MCPH1: variants seen among roughly 807,000 people sequenced by gnomAD.
The protein encoded by MCPH1 is microcephalin 1.
Under a neutral mutation model 84.5 loss-of-function variants are expected in MCPH1, and 104 were observed. The ratio of observed to expected loss-of-function variants is 1.23; its 90% CI spans 1.05 to 1.45. The LOEUF (loss-of-function observed/expected upper bound fraction) is 1.45. Ranked by LOEUF, MCPH1 falls within the 40% of genes most tolerant of loss-of-function variation. The probability of loss-of-function intolerance (pLI) is 0.00; values close to 1 mark genes in which losing one functional copy is unlikely to be tolerated. For synonymous variants in MCPH1, 514 were observed against 366.8 expected (o/e 1.40, Z -4.58); for missense variants, 1,498 against 1,005.7 (o/e 1.49, Z -6.62).
At chr8:6,566,842 TGCGGTGACCATGTGTGATCA>T (rs1015437649) in intron 12 of MCPH1, among the ~76,000 whole-genome samples, 3 of 138,346 alleles carry the variant, frequency 2.2e-5, no homozygotes, top group Admixed American at 1.5e-4. Context: ...GTGCACACGG[TGCGGTGACCATGTGTGATCA>T]GCAAGGCCAT....
At chr8:6,586,981 G>C (rs1237349226) in intron 12 of MCPH1, among the ~76,000 whole-genome samples, 1 of 152,090 alleles carries the variant, frequency 6.6e-6, no homozygotes, top group African/African-American at 2.4e-5. Flanking sequence ...GTTGCAGGCA[G>C]CCTGCAGGCC....
At chr8:6,446,339 G>C (rs1028916170) in intron 8 of MCPH1, 25 of 984,660 alleles carry the variant, frequency 2.5e-5, no homozygotes, top group Admixed American at 6.1e-5. Context: ...GAGTGAGAAC[G>C]CATTCTCTCT....
chr8:6,413,865 C>T (rs557824172), intron 2 of MCPH1, among the ~76,000 whole-genome samples: 1 of 152,186 alleles, frequency 6.6e-6, no homozygotes, highest in South Asian at 2.1e-4. Context: ...AGTGATTCTC[C>T]TGCCTCAGCC....
intron 12 of MCPH1, chr8:6,519,995 C>T (rs1817008514): frequency 5.0e-6 from 8 of 1,612,214 alleles, no homozygotes; most frequent in Non-Finnish European, 6.8e-6. Flanking sequence ...TCCTTAGCTG[C>T]TTTTAAAAAA....
chr8:6,425,455 T>A (rs1046578279), intron 3 of MCPH1, among the ~76,000 whole-genome samples: 10 of 152,224 alleles, frequency 6.6e-5, no homozygotes, highest in African/African-American at 2.4e-4. Flanking sequence ...GCATAGCTGT[T>A]GGCATGCAGA....
chr8:6,550,706 C>G (rs945327167), intron 12 of MCPH1, among the ~76,000 whole-genome samples: 1 of 152,146 alleles, frequency 6.6e-6, no homozygotes, highest in Admixed American at 6.5e-5. Context: ...TTGTAAGAGG[C>G]TCTGAAAGGA....
chr8:6,616,296 A>T (rs1830786141), intron 12 of MCPH1: 1 of 152,176 alleles, frequency 6.6e-6, no homozygotes, highest in African/African-American at 2.4e-5. Context: ...ACTAATTGAA[A>T]TCCAACACCC....
chr8:6,547,545 A>T (rs973175024), intron 12 of MCPH1, among the ~76,000 whole-genome samples: 1 of 152,206 alleles, frequency 6.6e-6, no homozygotes, highest in African/African-American at 2.4e-5. Context: ...TTCTCTGTTT[A>T]TCAAAGGGGC....
rs1360655073 is a variant in MCPH1, at chr8:6,527,804, C to A, written c.2214+27875C>A. The A allele has an allele frequency of 8.0e-6, 7 of 876,358 alleles. No individual in the cohort carries two copies. In the East Asian group the frequency reaches 1.5e-4, roughly 18 times the overall value. The allele number at this position is 876,358 out of a possible 1,614,324, so 54.3% of individuals were successfully genotyped here. On this transcript the variant is annotated intron_variant, in intron 12 of 13. Transcript: ENST00000344683. Reference sequence around the variant, plus strand: ...AAACATTATTTATTAACCCAAGTATCTTATTTTGGCATATTTTTCATTTTC... The same window carrying A: ...AAACATTATTTATTAACCCAAGTATATTATTTTGGCATATTTTTCATTTTC...
At chr8:6,415,500 C>T (rs1379395515) in intron 3 of MCPH1, among the ~76,000 whole-genome samples, 4 of 151,858 alleles carry the variant, frequency 2.6e-5, no homozygotes, top group Admixed American at 6.6e-5. Flanking sequence ...ATTACAGGCA[C>T]GCACCACCAT....
chr8:6,622,822 C>T (rs1406399151), intron 13 of MCPH1, among the ~76,000 whole-genome samples: 1 of 151,992 alleles, frequency 6.6e-6, no homozygotes, highest in African/African-American at 2.4e-5. Context: ...AGGGCTCACC[C>T]AATGGCATAC....
chr8:6,462,284 T>C (rs1806375762), intron 9 of MCPH1, among the ~76,000 whole-genome samples: 1 of 152,248 alleles, frequency 6.6e-6, no homozygotes, highest in African/African-American at 2.4e-5. Flanking sequence ...CTTACATCTT[T>C]GCTAGAATAT....
At chr8:6,625,840 AAC>A in intron 13 of MCPH1, 1 of 985,440 alleles carries the variant, frequency 1.0e-6, no homozygotes, top group Non-Finnish European at 1.2e-6. Context: ...TCTGTATCTT[AAC>A]AGTCTTGTTT....
intron 3 of MCPH1, among the ~76,000 whole-genome samples, chr8:6,419,142 C>CACACACAG (rs1554479098): frequency 1.2e-3 from 137 of 117,568 alleles, no homozygotes; most frequent in African/African-American, 2.7e-3. Context: ...CACACACACA[C>CACACACAG]ACACACACAG....
intron 12 of MCPH1, among the ~76,000 whole-genome samples, chr8:6,517,148 C>T (rs937708187): frequency 6.6e-6 from 1 of 152,182 alleles, no homozygotes; most frequent in East Asian, 1.9e-4. Context: ...TTGATTATAT[C>T]AGGATCAGCA....
intron 9 of MCPH1, among the ~76,000 whole-genome samples, chr8:6,470,694 A>G (rs1349917117): frequency 6.6e-6 from 1 of 152,254 alleles, no homozygotes; most frequent in Non-Finnish European, 1.5e-5. Context: ...ATGAATACAC[A>G]TAAACTTCTG....
At chr8:6,519,776 G>C in intron 12 of MCPH1, 1 of 1,495,224 alleles carries the variant, frequency 6.7e-7, no homozygotes, top group Non-Finnish European at 9.1e-7. Context: ...GAAGATCTTT[G>C]GGGAGAGACT....
At chr8:6,466,434 G>A (rs1806957646) in intron 9 of MCPH1, among the ~76,000 whole-genome samples, 1 of 150,434 alleles carries the variant, frequency 6.6e-6, no homozygotes, top group African/African-American at 2.4e-5. Context: ...CAACCTCCTG[G>A]GTAGCTGGGA....
chr8:6,467,621 G>A (rs372110010), intron 9 of MCPH1, among the ~76,000 whole-genome samples: 3 of 152,102 alleles, frequency 2.0e-5, no homozygotes, highest in Admixed American at 6.6e-5. Flanking sequence ...TTAAAGACAG[G>A]GTCTTGCTCT....
Sources: gnomAD v4.1 joint callset for allele counts (sites outside exome capture counted in the v4.1 genomes callset) on GRCh38, gnomAD v4.1.1 for gene constraint, MANE v1.5 for transcripts, NCBI Gene and HGNC (gene_info 2026-07-23, HGNC 2026-07-21) for gene names.